SH3RF1: variants seen among roughly 807,000 people sequenced by gnomAD.
The protein encoded by SH3RF1 is SH3 domain containing ring finger 1.
In SH3RF1, 32 loss-of-function variants were observed where a neutral mutation model predicts 74.0. The ratio of observed to expected loss-of-function variants is 0.43; its 90% confidence interval spans 0.33 to 0.58. SH3RF1 has a LOEUF of 0.58. Among genes scored for constraint, SH3RF1 ranks in the 20% least tolerant of loss-of-function variants. The probability of loss-of-function intolerance (pLI) is 0.05; values close to 1 mark genes in which losing one functional copy is unlikely to be tolerated. For synonymous variants in SH3RF1, 396 were observed against 439.6 expected, an observed-to-expected ratio of 0.90 and a Z score of 1.24; for missense variants, 954 against 1,130.9, an observed-to-expected ratio of 0.84 and a Z score of 2.24.
At chr4:169,244,474 ACTT>A (rs1304588334) in intron 2 of SH3RF1, among the ~76,000 whole-genome samples, 2 of 151,980 alleles carry the variant, frequency 1.3e-5, no homozygotes, top group Non-Finnish European at 2.9e-5. Context: ...GTTTCACAAT[ACTT>A]CTTTTTTGTG....
At chr4:169,138,847 C>T (rs1733738231) in intron 4 of SH3RF1, among the ~76,000 whole-genome samples, 1 of 152,152 alleles carries the variant, frequency 6.6e-6, no homozygotes, top group Non-Finnish European at 1.5e-5. Flanking sequence ...AAATATTGTT[C>T]CCAATATTTC....
chr4:169,189,966 TC>T (rs1734672035), intron 2 of SH3RF1, among the ~76,000 whole-genome samples: 1 of 152,130 alleles, frequency 6.6e-6, no homozygotes, highest in African/African-American at 2.4e-5. Context: ...AATAACCTGC[TC>T]CTGAATCATT....
At chr4:169,113,406 G>A (rs1353710198) in intron 10 of SH3RF1, among the ~76,000 whole-genome samples, 3 of 152,114 alleles carry the variant, frequency 2.0e-5, no homozygotes, top group South Asian at 2.1e-4. Context: ...CACCGCGCCC[G>A]GCCCCAATTT....
At chr4:169,153,976 T>C (rs1224527949) in intron 4 of SH3RF1, among the ~76,000 whole-genome samples, 1 of 152,150 alleles carries the variant, frequency 6.6e-6, no homozygotes, top group South Asian at 2.1e-4. Context: ...AAAAATATAG[T>C]AAACCCTTTT....
intron 11 of SH3RF1, among the ~76,000 whole-genome samples, chr4:169,104,756 T>C (rs1460279742): frequency 6.6e-6 from 1 of 151,876 alleles, no homozygotes; most frequent in Non-Finnish European, 1.5e-5. Context: ...ACAAAAAAAT[T>C]AGCCGGGCGT....
At chr4:169,256,048 G>A (rs966425127) in intron 2 of SH3RF1, among the ~76,000 whole-genome samples, 3 of 152,100 alleles carry the variant, frequency 2.0e-5, no homozygotes, top group Non-Finnish European at 2.9e-5. Context: ...GACTATAGGC[G>A]TGAGCCACCA....
intron 2 of SH3RF1, among the ~76,000 whole-genome samples, chr4:169,256,742 G>A (rs1731199631): frequency 6.6e-6 from 1 of 152,000 alleles, no homozygotes; most frequent in African/African-American, 2.4e-5. Context: ...GACTACAGGT[G>A]CATGCCACCA....
At chr4:169,174,827 ACT>A (rs530398041) in intron 2 of SH3RF1, among the ~76,000 whole-genome samples, 44 of 151,098 alleles carry the variant, frequency 2.9e-4, no homozygotes, top group African/African-American at 1.0e-3. Flanking sequence ...CTCCTTAGTG[ACT>A]CTCATATGAA....
chr4:169,176,788 G>A (rs55762926), intron 2 of SH3RF1, among the ~76,000 whole-genome samples: 6,358 of 152,192 alleles, frequency 0.042, 441 homozygotes, highest in African/African-American at 0.14. Context: ...CAATCCACCC[G>A]CCTCAGCCTC....
intron 2 of SH3RF1, among the ~76,000 whole-genome samples, chr4:169,244,764 T>C (rs1423383634): frequency 7.2e-5 from 11 of 152,334 alleles, no homozygotes; most frequent in African/African-American, 2.2e-4. Context: ...GTGCTGCACT[T>C]TTCTAAACTT....
chr4:169,221,536 T>C (rs562915971), intron 2 of SH3RF1, among the ~76,000 whole-genome samples: 3 of 152,268 alleles, frequency 2.0e-5, no homozygotes, highest in South Asian at 2.1e-4. Flanking sequence ...CGAGAAAAGT[T>C]TGAAAACATT....
intron 2 of SH3RF1, among the ~76,000 whole-genome samples, chr4:169,219,368 G>C (rs1025941970): frequency 2.0e-5 from 3 of 152,070 alleles, no homozygotes; most frequent in Non-Finnish European, 4.4e-5. Context: ...ATTTAAAAAG[G>C]GCTCTGGTAT....
At chr4:169,119,436 A>G (rs1025202923) in intron 8 of SH3RF1, among the ~76,000 whole-genome samples, 13 of 151,968 alleles carry the variant, frequency 8.6e-5, no homozygotes, top group South Asian at 6.3e-4. Context: ...CTATACAAGC[A>G]GAGAGACTTC....
intron 2 of SH3RF1, among the ~76,000 whole-genome samples, chr4:169,215,035 C>T (rs1463558148): frequency 6.6e-6 from 1 of 152,016 alleles, no homozygotes; most frequent in Admixed American, 6.6e-5. Context: ...TGTCTTGTTC[C>T]TTACCTTAAT....
intron 10 of SH3RF1, among the ~76,000 whole-genome samples, chr4:169,115,237 C>T (rs1343666164): frequency 2.0e-5 from 3 of 152,138 alleles, no homozygotes. Flanking sequence ...AGGAACCATG[C>T]TGCTTAAGGT....
intron 2 of SH3RF1, among the ~76,000 whole-genome samples, chr4:169,218,331 T>TATAAATATATATTATATAATA (rs1730500993): frequency 7.3e-6 from 1 of 136,108 alleles, no homozygotes; most frequent in African/African-American, 2.6e-5. Context: ...AGAATACAGA[T>TATAAATATATATTATATAATA]TATAGAATAT....
chr4:169,198,497 CTAAA>C (rs1734858080), intron 2 of SH3RF1, among the ~76,000 whole-genome samples: 4 of 151,920 alleles, frequency 2.6e-5, no homozygotes, highest in South Asian at 2.1e-4. Flanking sequence ...TTATATTATG[CTAAA>C]TATAGTATAT....
At position 169,169,477 on chromosome 4, in the gene SH3RF1, G is replaced by T. The variant is rs145561500; in HGVS notation, c.394-12798C>A. Among the ~76,000 whole-genome samples the T allele has an allele frequency of 4.3e-3, 657 of 152,038 alleles. 6 individuals carry two copies. Among genetic ancestry groups the T allele is most frequent in the African/African-American group, 0.015 (630 of 41,464 alleles). On this transcript the variant is annotated intron_variant, in intron 2 of 11. Coordinates refer to ENST00000284637, the MANE Select transcript of SH3RF1 (RefSeq NM_020870.4). ...CCAGGTGTGGTGGTGCATACCTGTA[G>T]TCCCAGCTACTTGGGAGGCTGAGGC...
At chr4:169,171,408 A>T (rs1323360855) in intron 2 of SH3RF1, among the ~76,000 whole-genome samples, 9 of 152,222 alleles carry the variant, frequency 5.9e-5, no homozygotes, top group Admixed American at 3.3e-4. Flanking sequence ...AGTGCTAAGC[A>T]GATTAATGAG....
Sources: gnomAD v4.1 joint callset for allele counts (sites outside exome capture counted in the v4.1 genomes callset) on GRCh38, gnomAD v4.1.1 for gene constraint, MANE v1.5 for transcripts, NCBI Gene and HGNC (gene_info 2026-07-23, HGNC 2026-07-21) for gene names.